The following FGF12 variants were observed in gnomAD, a reference collection of about 807,000 sequenced individuals.
FGF12 encodes the protein fibroblast growth factor 12, also known as fibroblast growth factor 12B.
FGF12 carries 14 observed loss-of-function variants against 23.6 expected under a neutral mutation model. That is an observed-to-expected ratio of 0.59 (90% CI 0.39 to 0.93). FGF12 has a LOEUF of 0.93. Ranked by LOEUF, FGF12 falls within the 40% of genes least tolerant of loss-of-function variation. The pLI, the probability that FGF12 is intolerant of heterozygous loss-of-function variation, is 0.00. For missense variants in FGF12, 175 were observed against 217.8 expected (o/e 0.80, Z 1.24); for synonymous variants, 62 against 77.3 (o/e 0.80, Z 1.04).
chr3:192,671,231 A>C (rs1284753436), intron 2 of FGF12, among the ~76,000 whole-genome samples: 3 of 152,202 alleles, frequency 2.0e-5, no homozygotes, highest in Non-Finnish European at 2.9e-5. Flanking sequence ...AAAACATTAA[A>C]AGAGAGTGAT....
intron 4 of FGF12, among the ~76,000 whole-genome samples, chr3:192,201,645 A>G (rs936775259): frequency 1.3e-5 from 2 of 151,664 alleles, no homozygotes; most frequent in African/African-American, 4.9e-5. Flanking sequence ...TCAGCCCATA[A>G]CTGTGGAAAC....
chr3:192,270,666 T>C (rs1049870369), intron 4 of FGF12, among the ~76,000 whole-genome samples: 1 of 152,034 alleles, frequency 6.6e-6, no homozygotes, highest in South Asian at 2.1e-4. Flanking sequence ...ATGACAAATA[T>C]GTTTCCACAC....
intron 5 of FGF12, among the ~76,000 whole-genome samples, chr3:192,163,628 C>T (rs554786721): frequency 6.6e-6 from 1 of 152,100 alleles, no homozygotes; most frequent in Non-Finnish European, 1.5e-5. Flanking sequence ...CTAGGTCATA[C>T]ATAGGTTTCA....
At chr3:192,432,689 A>T (rs1422221527) in intron 2 of FGF12, among the ~76,000 whole-genome samples, 1 of 152,042 alleles carries the variant, frequency 6.6e-6, no homozygotes, top group Non-Finnish European at 1.5e-5. Flanking sequence ...CAGTCTTGCA[A>T]ACACAAGGAA....
chr3:192,533,087 G>A (rs1725133172), intron 2 of FGF12, among the ~76,000 whole-genome samples: 1 of 152,172 alleles, frequency 6.6e-6, no homozygotes, highest in Non-Finnish European at 1.5e-5. Flanking sequence ...AATAGCGTGT[G>A]CTCAGGGATT....
intron 4 of FGF12, among the ~76,000 whole-genome samples, chr3:192,297,134 G>T (rs1449645353): frequency 6.6e-6 from 1 of 152,062 alleles, no homozygotes. Context: ...CAATATATAG[G>T]TATGTCTGCT....
At chr3:192,608,674 T>C (rs1577077362) in intron 2 of FGF12, among the ~76,000 whole-genome samples, 2 of 152,240 alleles carry the variant, frequency 1.3e-5, no homozygotes, top group East Asian at 3.9e-4. Context: ...TCCGAGAAGA[T>C]GCTTTTACAT....
chr3:192,374,021 T>A (rs1287577092), intron 2 of FGF12, among the ~76,000 whole-genome samples: 1 of 152,208 alleles, frequency 6.6e-6, no homozygotes, highest in East Asian at 1.9e-4. Flanking sequence ...AGTTTCCCAT[T>A]TACATGTGAC....
chr3:192,407,679 G>A (rs1268863231), intron 2 of FGF12, among the ~76,000 whole-genome samples: 1 of 150,818 alleles, frequency 6.6e-6, no homozygotes, highest in Non-Finnish European at 1.5e-5. Context: ...ATGGATGGAT[G>A]GATGGGAGAG....
At chr3:192,350,051 A>G (rs527821022) in intron 3 of FGF12, among the ~76,000 whole-genome samples, 2 of 152,282 alleles carry the variant, frequency 1.3e-5, no homozygotes, top group East Asian at 3.9e-4. Context: ...GCTACTATCA[A>G]TGAACTTATC....
At chr3:192,589,648 A>T (rs1486945470) in intron 2 of FGF12, among the ~76,000 whole-genome samples, 1 of 151,796 alleles carries the variant, frequency 6.6e-6, no homozygotes, top group African/African-American at 2.4e-5. Flanking sequence ...GATTCATGGG[A>T]TGGAGGGAGG....
chr3:192,704,305 G>A (rs1463960520), intron 2 of FGF12, among the ~76,000 whole-genome samples: 1 of 152,122 alleles, frequency 6.6e-6, no homozygotes, highest in African/African-American at 2.4e-5. Context: ...GATCATAACT[G>A]TTTGATCCAT....
At chr3:192,226,612 G>A (rs1433508365) in intron 4 of FGF12, among the ~76,000 whole-genome samples, 2 of 152,072 alleles carry the variant, frequency 1.3e-5, no homozygotes, top group Non-Finnish European at 2.9e-5. Context: ...CTAAGGTGAT[G>A]GTAACAGGAA....
intron 5 of FGF12, among the ~76,000 whole-genome samples, chr3:192,164,801 A>C (rs9821225): frequency 0.37 from 56,130 of 152,014 alleles, 13,195 homozygotes; most frequent in Non-Finnish European, 0.52. Context: ...ATTACAAACA[A>C]AATAGTCAAT....
chr3:192,705,416 A>G (rs1718435528), intron 2 of FGF12, among the ~76,000 whole-genome samples: 1 of 152,254 alleles, frequency 6.6e-6, no homozygotes, highest in African/African-American at 2.4e-5. Context: ...CACAAGAATT[A>G]ACAGGTGAAA....
chr3:192,314,328 GT>G (rs1201948623), intron 4 of FGF12, among the ~76,000 whole-genome samples: 1 of 152,064 alleles, frequency 6.6e-6, no homozygotes, highest in Non-Finnish European at 1.5e-5. Flanking sequence ...GCATTACCCT[GT>G]TTTTGTTTCT....
chr3:192,433,147 A>G (rs759646404), intron 2 of FGF12, among the ~76,000 whole-genome samples: 3 of 152,158 alleles, frequency 2.0e-5, no homozygotes, highest in Non-Finnish European at 2.9e-5. Context: ...ATTGTCTTTG[A>G]GGGCACCCCC....
intron 4 of FGF12, among the ~76,000 whole-genome samples, chr3:192,178,515 T>C (rs1715986309): frequency 6.6e-6 from 1 of 152,116 alleles, no homozygotes; most frequent in Non-Finnish European, 1.5e-5. Flanking sequence ...CTTTTTTTTT[T>C]CCAGAGGGAG....
At chr3:192,635,418 T>A (rs1305114384) in intron 2 of FGF12, among the ~76,000 whole-genome samples, 2 of 152,246 alleles carry the variant, frequency 1.3e-5, no homozygotes, top group African/African-American at 4.8e-5. Context: ...AATTGATACA[T>A]ATATATGGTA....
Sources: allele counts gnomAD v4.1 joint callset (sites outside exome capture counted in the v4.1 genomes callset), GRCh38; gene constraint gnomAD v4.1.1; transcripts MANE v1.5; gene names NCBI Gene and HGNC (gene_info 2026-07-23, HGNC 2026-07-21).